Variants in TENM2 observed in about 807,000 individuals in gnomAD.
TENM2 encodes the protein teneurin transmembrane protein 2.
TENM2 carries 52 observed loss-of-function variants against 245.2 expected under a neutral mutation model. That is an observed-to-expected ratio of 0.21 (90% CI 0.17 to 0.27). The LOEUF is 0.27. Among genes scored for constraint, TENM2 ranks in the 10% least tolerant of loss-of-function variants. The pLI, the probability that TENM2 is intolerant of heterozygous loss-of-function variation, is 1.00. For missense variants in TENM2, 3,046 were observed against 3,666.8 expected, an observed-to-expected ratio of 0.83 and a Z score of 4.37; for synonymous variants, 1,363 against 1,438.9, an observed-to-expected ratio of 0.95 and a Z score of 1.19.
At chr5:167,307,219 T>G (rs1173455463) in intron 1 of TENM2, among the ~76,000 whole-genome samples, 2 of 152,112 alleles carry the variant, frequency 1.3e-5, no homozygotes, top group Non-Finnish European at 1.5e-5. Context: ...AGATGGAAAT[T>G]GTAGTTCAAG....
At chr5:167,777,004 A>G (rs1177017673) in intron 2 of TENM2, among the ~76,000 whole-genome samples, 2 of 152,254 alleles carry the variant, frequency 1.3e-5, no homozygotes, top group African/African-American at 4.8e-5. Context: ...AGTTCATGCT[A>G]TATTTAACTG....
chr5:167,703,578 ATGAATTGGGTG>A (rs1170751334), intron 2 of TENM2, among the ~76,000 whole-genome samples: 4 of 151,904 alleles, frequency 2.6e-5, no homozygotes, highest in Non-Finnish European at 4.4e-5. Flanking sequence ...TAAGCAGCAA[ATGAATTGGGTG>A]TGAGTCTTAC....
In TENM2 at chr5:167,550,699, AGTGTGTGTGTGTGTGTGTGTGTGT is replaced by A. The variant is rs10581183; in HGVS notation, c.502+175254_502+175277del. Among the ~76,000 whole-genome samples the A allele has an allele frequency of 4.7e-3, 540 of 114,174 alleles. 3 individuals carry two copies. The highest frequency in any genetic ancestry group is 7.3e-3 in the Non-Finnish European group (409 of 56,318). 74.9% of individuals were successfully genotyped at this position (114,174 alleles called of 152,430 possible). A position where few individuals can be genotyped will look rare whatever the true frequency, so the allele number is the denominator to read the frequency against. On this transcript the variant is annotated intron_variant, in intron 2 of 28. Coordinates refer to ENST00000518659, the Ensembl canonical transcript of TENM2. ...AATTACCTTTTTTTTTGTTGTTGTT[AGTGTGTGTGTGTGTGTGTGTGTGT>A]GTGTGTGTGTGTGTGTGTGTGTGTG...
At chr5:167,886,094 C>G (rs1222239012) in intron 3 of TENM2, among the ~76,000 whole-genome samples, 1 of 152,112 alleles carries the variant, frequency 6.6e-6, no homozygotes, top group African/African-American at 2.4e-5. Context: ...GTGCTCCTGC[C>G]TGGTGGTGTT....
At chr5:168,108,030 C>G (rs1052950075) in intron 9 of TENM2, among the ~76,000 whole-genome samples, 1 of 152,148 alleles carries the variant, frequency 6.6e-6, no homozygotes, top group African/African-American at 2.4e-5. Context: ...TATGTGCCTG[C>G]TAAATGTCTG....
intron 1 of TENM2, among the ~76,000 whole-genome samples, chr5:167,316,971 C>G (rs1210325691): frequency 6.6e-6 from 1 of 152,150 alleles, no homozygotes; most frequent in Non-Finnish European, 1.5e-5. Context: ...TCTGCACACC[C>G]CCTAATACCA....
intron 2 of TENM2, among the ~76,000 whole-genome samples, chr5:167,713,318 C>T (rs1186089359): frequency 2.0e-5 from 3 of 151,000 alleles, no homozygotes; most frequent in African/African-American, 7.3e-5. Context: ...TTTTTAATTC[C>T]CATCCTGTAG....
intron 25 of TENM2, among the ~76,000 whole-genome samples, chr5:168,228,858 T>G (rs1191217632): frequency 6.7e-6 from 1 of 148,406 alleles, no homozygotes; most frequent in African/African-American, 2.5e-5. Context: ...TTAATTATAT[T>G]ATTATTATAA....
intron 3 of TENM2, among the ~76,000 whole-genome samples, chr5:167,920,719 G>A (rs897001590): frequency 3.9e-5 from 6 of 152,150 alleles, no homozygotes; most frequent in Admixed American, 3.3e-4. Context: ...CTTGACTACA[G>A]GCTTAACTGG....
At chr5:167,640,897 ATATATAT>A (rs1779561265) in intron 2 of TENM2, among the ~76,000 whole-genome samples, 1 of 93,212 alleles carries the variant, frequency 1.1e-5, no homozygotes, top group African/African-American at 4.6e-5. Context: ...ATATATATAT[ATATATAT>A]ATCTTTCTCT....
chr5:167,918,625 G>A (rs34136062), intron 3 of TENM2, among the ~76,000 whole-genome samples: 23,136 of 152,128 alleles, frequency 0.15, 2,160 homozygotes, highest in East Asian at 0.33. Flanking sequence ...GACAGGAGCC[G>A]TGTGGCAGTG....
chr5:167,933,766 G>C lies in TENM2; in HGVS notation c.713-18822G>C, dbSNP rs115140180. Among the ~76,000 whole-genome samples the C allele has an allele frequency of 8.5e-3, 1,297 of 152,250 alleles. 18 individuals are homozygous for C. Among genetic ancestry groups the C allele is most frequent in the African/African-American group, 0.029 (1,214 of 41,556 alleles). On this transcript the variant is annotated intron_variant, in intron 3 of 28. Coordinates refer to ENST00000518659, the Ensembl canonical transcript of TENM2. Reference sequence around the variant, plus strand: ...ACAATGACTTCCTACCTGAGGCAAGGTACTTAAGCTCTCTAAACCTCAGCC... The same window carrying C: ...ACAATGACTTCCTACCTGAGGCAAGCTACTTAAGCTCTCTAAACCTCAGCC...
the TENM2 span, among the ~76,000 whole-genome samples, chr5:167,097,722 G>T: frequency 6.6e-6 from 1 of 152,152 alleles, no homozygotes; most frequent in Non-Finnish European, 1.5e-5. Context: ...TTTAATGCAA[G>T]TCCTGTCTTT....
At chr5:167,819,668 A>G (rs1484778145) in intron 2 of TENM2, among the ~76,000 whole-genome samples, 1 of 152,236 alleles carries the variant, frequency 6.6e-6, no homozygotes, top group Non-Finnish European at 1.5e-5. Flanking sequence ...GCCAGGGTGC[A>G]GTTCATTCTG....
At chr5:167,785,332 G>C (rs1224584399) in intron 2 of TENM2, among the ~76,000 whole-genome samples, 1 of 152,082 alleles carries the variant, frequency 6.6e-6, no homozygotes, top group African/African-American at 2.4e-5. Flanking sequence ...ATTTCATTTG[G>C]GGAAGCTGTT....
At chr5:166,992,752 A>C in the TENM2 span, among the ~76,000 whole-genome samples, 6 of 152,136 alleles carry the variant, frequency 3.9e-5, no homozygotes, top group African/African-American at 1.4e-4. Context: ...AAAAAAGTGG[A>C]TTTGGGAAGA....
chr5:167,738,830 A>G (rs1760980348), intron 2 of TENM2, among the ~76,000 whole-genome samples: 1 of 152,058 alleles, frequency 6.6e-6, no homozygotes, highest in East Asian at 1.9e-4. Context: ...CTCTTCTTAT[A>G]AGGACACCAG....
intron 2 of TENM2, among the ~76,000 whole-genome samples, chr5:167,452,950 T>TTTTTTAA (rs70976428): frequency 1.0e-5 from 1 of 99,630 alleles, no homozygotes; most frequent in African/African-American, 3.4e-5. Flanking sequence ...TATATATATA[T>TTTTTTAA]ATATATATAT....
At chr5:167,170,914 A>C in the TENM2 span, among the ~76,000 whole-genome samples, 1 of 143,532 alleles carries the variant, frequency 7.0e-6, no homozygotes, top group Non-Finnish European at 1.5e-5. Flanking sequence ...GTCTCCTAAA[A>C]CTCTTTTTTC....
Sources: allele counts gnomAD v4.1 joint callset (sites outside exome capture counted in the v4.1 genomes callset), GRCh38; gene constraint gnomAD v4.1.1; transcripts MANE v1.5; gene names NCBI Gene and HGNC (gene_info 2026-07-23, HGNC 2026-07-21).